NUP133: variants seen among roughly 807,000 people sequenced by gnomAD.
NUP133 encodes nuclear pore complex protein Nup133.
A neutral mutation model predicts 146.2 loss-of-function variants in NUP133; 66 were observed. The ratio of observed to expected loss-of-function variants is 0.45; its 90% CI spans 0.37 to 0.55. The LOEUF is 0.55. Among genes scored for constraint, NUP133 ranks in the 20% least tolerant of loss-of-function variants. NUP133 has a pLI of 0.00. For missense variants in NUP133, 1,277 were observed against 1,374.8 expected (o/e 0.93, Z 1.12); for synonymous variants, 521 against 498.8 (o/e 1.04, Z -0.59).
intron 9 of NUP133, among the ~76,000 whole-genome samples, chr1:229,488,855 A>G (rs2102776573): frequency 6.6e-6 from 1 of 152,320 alleles, no homozygotes; most frequent in Admixed American, 6.5e-5. Context: ...TCTTCAAAAA[A>G]TAAACAAACA....
rs142640601 is a variant in NUP133 at position 229,442,058 on chromosome 1, A to C, written c.3335-18T>G. 3.6e-4 allele frequency: 548 copies of C among 1,542,940 alleles called. 7 individuals are homozygous for C. The East Asian group carries it at 0.014, about 38-fold the overall frequency. On this transcript the variant is annotated intron_variant, in intron 25 of 25. Coordinates refer to ENST00000261396, the MANE Select transcript of NUP133 (RefSeq NM_018230.3). ...CTGAATGCCTATAAACACAAACACAAGAAGTCATTTTTCAATTATTATAAA... is the reference window on the plus strand; with the variant it reads ...CTGAATGCCTATAAACACAAACACACGAAGTCATTTTTCAATTATTATAAA...
At chr1:229,449,325 GTGA>G (rs1174370054) in intron 23 of NUP133, 135 bp from the exon 24 acceptor site, 34 of 608,304 alleles carry the variant, frequency 5.6e-5, no homozygotes, top group Non-Finnish European at 8.5e-5. Context: ...TTACTCTGTG[GTGA>G]TGATGATTTT....
intron 2 of NUP133, among the ~76,000 whole-genome samples, chr1:229,502,558 CAAAAAAAAAAA>C (rs58520087): frequency 1.4e-4 from 6 of 43,118 alleles, no homozygotes; most frequent in African/African-American, 1.9e-4. Context: ...GACTCCATCT[CAAAAAAAAAAA>C]AAAAAAAAAA....
At chr1:229,481,744 C>T (rs1661217335) in intron 12 of NUP133, among the ~76,000 whole-genome samples, 1 of 150,792 alleles carries the variant, frequency 6.6e-6, no homozygotes, top group South Asian at 2.1e-4. Flanking sequence ...AGCTACGTGA[C>T]AATGGAGGCA....
Position 229,465,444 on chromosome 1 carries a change from C to T in NUP133, c.2275G>A (p.Glu759Lys). 1 of 1,612,570 alleles carries T rather than the reference C, an allele frequency of 6.2e-7. No homozygotes were observed. Among genetic ancestry groups the T allele is most frequent in the Non-Finnish European group, 8.5e-7 (1 of 1,178,694 alleles). ...LYRREESLEK[E>K]PEYVPWTATS... ...CCCGTCCATGGAACATATTCAGGTT[C>T]TTTTTCTAGTGATTCTTCTCTTCTA... The change falls in exon 17 of 26, where the codon GAA becomes AAA. Residue 759 changes from glutamate (E) to lysine (K), a missense_variant. Transcript: ENST00000261396.
At chr1:229,484,835 A>T (rs979476235) in intron 11 of NUP133, among the ~76,000 whole-genome samples, 2 of 152,196 alleles carry the variant, frequency 1.3e-5, no homozygotes, top group African/African-American at 4.8e-5. Flanking sequence ...ACAAAATACA[A>T]GGTATTTTGT....
At chr1:229,483,242 C>A (rs1007088699) in intron 12 of NUP133, among the ~76,000 whole-genome samples, 2 of 152,018 alleles carry the variant, frequency 1.3e-5, no homozygotes, top group Non-Finnish European at 2.9e-5. Flanking sequence ...GGACTAGAGG[C>A]GTGCATCACC....
chr1:229,444,717 C>T (rs555625446), intron 25 of NUP133, among the ~76,000 whole-genome samples, 197 bp downstream of exon 25: 1 of 152,000 alleles, frequency 6.6e-6, no homozygotes, highest in African/African-American at 2.4e-5. Context: ...CATGGTAGCA[C>T]AGGTCTGTAG....
intron 2 of NUP133, among the ~76,000 whole-genome samples, chr1:229,502,711 A>G (rs1483883792): frequency 2.0e-5 from 3 of 151,844 alleles, no homozygotes; most frequent in Non-Finnish European, 4.4e-5. Flanking sequence ...ACAGTGGCTC[A>G]TGCTTATAAA....
chr1:229,477,439 C>CAAA (rs545949314), intron 13 of NUP133, among the ~76,000 whole-genome samples, 158 bp downstream of exon 13: 2 of 73,246 alleles, frequency 2.7e-5, no homozygotes, highest in African/African-American at 8.9e-5. Context: ...TGCTCTGTCT[C>CAAA]AAAAAAAAAA....
chr1:229,480,990 G>A (rs988663171), intron 12 of NUP133, among the ~76,000 whole-genome samples: 3 of 151,806 alleles, frequency 2.0e-5, no homozygotes, highest in Non-Finnish European at 2.9e-5. Flanking sequence ...CATCACACCC[G>A]GCCTCAAATG....
chr1:229,499,486 G>A (rs183655921), intron 5 of NUP133, among the ~76,000 whole-genome samples, 198 bp downstream of exon 5: 150 of 152,166 alleles, frequency 9.9e-4, no homozygotes, highest in African/African-American at 3.0e-3. Context: ...CATTTCCACG[G>A]CTGGGGTGCA....
At chr1:229,476,925 T>C (rs1661088621) in intron 13 of NUP133, among the ~76,000 whole-genome samples, 1 of 128,356 alleles carries the variant, frequency 7.8e-6, no homozygotes, top group African/African-American at 4.2e-5. Context: ...GAGACCCTGT[T>C]TCCAAAAAAA....
At chr1:229,476,548 C>T (rs941754404) in intron 13 of NUP133, among the ~76,000 whole-genome samples, 1 of 152,166 alleles carries the variant, frequency 6.6e-6, no homozygotes. Context: ...TACATATTGA[C>T]ATTTGATCAC....
intron 13 of NUP133, 141 bp downstream of exon 13, chr1:229,477,456 A>AAT: frequency 3.4e-6 from 2 of 591,656 alleles, no homozygotes; most frequent in Admixed American, 3.8e-5. Context: ...AAAAAAAAAA[A>AAT]GGAAGGTCAC....
chr1:229,467,776 T>C (rs1032593768), intron 15 of NUP133, among the ~76,000 whole-genome samples: 3 of 151,934 alleles, frequency 2.0e-5, no homozygotes, highest in African/African-American at 7.2e-5. Context: ...AATACAAAAA[T>C]TAGCTGGGCG....
intron 7 of NUP133, 32 bp from the exon 8 acceptor site, chr1:229,495,597 C>G (rs369977368): frequency 3.4e-6 from 5 of 1,463,004 alleles, no homozygotes; most frequent in Non-Finnish European, 4.8e-6. Flanking sequence ...GTAAGCTTCT[C>G]AAGTGCAGGA....
Position 229,487,895 on chromosome 1 carries a change from G to A in NUP133, c.1195-282C>T, listed in dbSNP as rs559776334. 3.0e-3 allele frequency among the ~76,000 whole-genome samples: 439 copies of A among 147,636 alleles called. 2 individuals carry two copies. Among genetic ancestry groups the A allele is most frequent in the African/African-American group, 0.011 (427 of 39,804 alleles). On this transcript the variant is annotated intron_variant, in intron 9 of 25. Coordinates refer to ENST00000261396, the MANE Select transcript of NUP133 (RefSeq NM_018230.3). ...GTCCCACTCTGTTGCCCAGGCTGGA[G>A]GGTAGTGGTGCAATCTTGGCTCTCT...
chr1:229,502,352 G>A (rs750542997), intron 2 of NUP133, among the ~76,000 whole-genome samples: 2 of 152,096 alleles, frequency 1.3e-5, no homozygotes, highest in Admixed American at 6.5e-5. Flanking sequence ...GAGGTCAGGA[G>A]ATCGAGACCA....
Sources: gnomAD v4.1 joint callset for allele counts (sites outside exome capture counted in the v4.1 genomes callset) on GRCh38, gnomAD v4.1.1 for gene constraint, MANE v1.5 for transcripts, NCBI Gene and HGNC (gene_info 2026-07-23, HGNC 2026-07-21) for gene names.